The following MPP7 variants were observed in gnomAD, a reference collection of about 807,000 sequenced individuals.
MPP7 encodes the protein MAGUK p55 scaffold protein 7.
In MPP7, 60 loss-of-function variants were observed where a neutral mutation model predicts 76.5. The ratio of observed to expected loss-of-function variants is 0.78; its 90% CI spans 0.64 to 0.97. The LOEUF (loss-of-function observed/expected upper bound fraction) is 0.97. Among genes scored for constraint, MPP7 ranks in the 50% least tolerant of loss-of-function variants. The pLI is 0.00. For missense variants in MPP7, 641 were observed against 694.0 expected (o/e 0.92, Z 0.86); for synonymous variants, 237 against 244.5 (o/e 0.97, Z 0.29).
At position 28,120,670 on chromosome 10, in the gene MPP7, TG is replaced by T; in HGVS notation, c.616-3del. On this transcript the variant is annotated splice_polypyrimidine_tract_variant and splice_region_variant and intron_variant, in intron 8 of 16. Transcript: ENST00000683449. The stretch of plus-strand genomic sequence containing the variant: ...TGTAATTGCTCCCTGAGACTGAGCC[TG>T]GTAACAGATAAAACAAGGAGTTATA... The T allele has an allele frequency of 1.2e-6, 2 of 1,612,204 alleles. No homozygotes were observed. Among genetic ancestry groups the T allele is most frequent in the Non-Finnish European group, 1.7e-6 (2 of 1,178,616 alleles).
At chr10:28,198,230 G>C (rs1837651304) in intron 3 of MPP7, among the ~76,000 whole-genome samples, 1 of 152,084 alleles carries the variant, frequency 6.6e-6, no homozygotes, top group African/African-American at 2.4e-5. Flanking sequence ...ATCTAACATA[G>C]TTGTGAGTTA....
rs192738137 is a variant in MPP7, at chr10:28,081,941, C to T, written c.1123+7730G>A. 3.2e-3 allele frequency among the ~76,000 whole-genome samples: 481 copies of T among 151,986 alleles called. 3 individuals carry two copies. The highest frequency in any genetic ancestry group is 9.8e-3 in the African/African-American group (406 of 41,438). On this transcript the variant is annotated intron_variant, in intron 12 of 16. Transcript: ENST00000683449. ...CTAATTTTTGTATTTTTAGTAGAGA[C>T]GGGTTTCACCATGTTGGCCAGGCTG...
At chr10:28,162,268 C>T (rs1836286831) in intron 3 of MPP7, among the ~76,000 whole-genome samples, 1 of 152,140 alleles carries the variant, frequency 6.6e-6, no homozygotes, top group South Asian at 2.1e-4. Flanking sequence ...CTTGCAGTTT[C>T]AGATGGTGAA....
intron 2 of MPP7, among the ~76,000 whole-genome samples, chr10:28,326,050 C>T (rs146150946): frequency 8.2e-4 from 125 of 151,846 alleles, no homozygotes; most frequent in Non-Finnish European, 1.4e-3. Flanking sequence ...TTATAGGACA[C>T]GGCATAGCCC....
At chr10:28,294,284 G>A (rs763677914) in intron 1 of MPP7, among the ~76,000 whole-genome samples, 1 of 152,152 alleles carries the variant, frequency 6.6e-6, no homozygotes, top group Admixed American at 6.5e-5. Flanking sequence ...TCCAGCCTGG[G>A]GGACAGAGCA....
chr10:28,054,634 C>T (rs1375046302), intron 16 of MPP7, among the ~76,000 whole-genome samples: 1 of 152,096 alleles, frequency 6.6e-6, no homozygotes, highest in Non-Finnish European at 1.5e-5. Flanking sequence ...ATATAAACTC[C>T]TTTTTCAGAG....
intron 2 of MPP7, among the ~76,000 whole-genome samples, chr10:28,221,567 C>A (rs932855890): frequency 3.3e-5 from 5 of 152,142 alleles, no homozygotes; most frequent in African/African-American, 1.2e-4. Context: ...ACTAGATCCC[C>A]ACGTAATGAG....
chr10:28,057,602 CCTCTTTTTTTTTT>C (rs1439770448), intron 15 of MPP7: 2 of 311,474 alleles, frequency 6.4e-6, no homozygotes, highest in African/African-American at 7.3e-5. Flanking sequence ...GCCAATTAAA[CCTCTTTTTTTTTT>C]TTTTTTTTTT....
intron 11 of MPP7, among the ~76,000 whole-genome samples, chr10:28,090,050 T>C (rs2133450471): frequency 6.6e-6 from 1 of 152,254 alleles, no homozygotes; most frequent in South Asian, 2.1e-4. Flanking sequence ...AGTGTTGAAC[T>C]CCTGGGCTCA....
chr10:28,143,951 CT>C (rs1300577813), intron 5 of MPP7, among the ~76,000 whole-genome samples: 1 of 151,348 alleles, frequency 6.6e-6, no homozygotes, highest in Non-Finnish European at 1.5e-5. Context: ...GCGGCGTGAT[CT>C]TAGCTCACTG....
At chr10:28,274,224 T>C (rs61845936) in intron 1 of MPP7, among the ~76,000 whole-genome samples, 22,427 of 147,784 alleles carry the variant, frequency 0.15, 1,772 homozygotes, top group South Asian at 0.2. Flanking sequence ...TGCCTCAGCC[T>C]CCCGAGTAGC....
At chr10:28,281,369 G>A (rs896707034) in intron 1 of MPP7, among the ~76,000 whole-genome samples, 5 of 152,030 alleles carry the variant, frequency 3.3e-5, no homozygotes, top group Admixed American at 6.6e-5. Flanking sequence ...GATTACAGGC[G>A]TGAGCCACTG....
chr10:28,199,617 C>CT (rs150157698), intron 3 of MPP7, among the ~76,000 whole-genome samples: 4 of 150,994 alleles, frequency 2.6e-5, no homozygotes. Flanking sequence ...TGCCCCCAAA[C>CT]TTTTTTTTTA....
At chr10:28,229,255 T>C (rs1238619956) in intron 2 of MPP7, among the ~76,000 whole-genome samples, 1 of 152,196 alleles carries the variant, frequency 6.6e-6, no homozygotes, top group Non-Finnish European at 1.5e-5. Context: ...GCCAGATTAC[T>C]TCCAAAGAGA....
Position 28,065,605 on chromosome 10 carries a change from A to G in MPP7, c.1204+4167T>C, listed in dbSNP as rs1851958649. On this transcript the variant is annotated intron_variant, in intron 13 of 16. Transcript: ENST00000683449. ...GAGTACCCACTATGTATACCAGTTA[A>G]GGCAAAATAGAAAACAAAATAGGAG... Among the ~76,000 whole-genome samples, 6 of 152,322 alleles carry G rather than the reference A, an allele frequency of 3.9e-5. No homozygotes were observed. In the South Asian group the frequency reaches 1.2e-3, roughly 32 times the overall value.
chr10:28,288,317 G>A (rs1246947032), intron 1 of MPP7, among the ~76,000 whole-genome samples: 1 of 152,138 alleles, frequency 6.6e-6, no homozygotes, highest in Non-Finnish European at 1.5e-5. Context: ...ATGGTACACT[G>A]CAGCCTCAAC....
intron 15 of MPP7, among the ~76,000 whole-genome samples, chr10:28,057,330 G>A (rs565921208): frequency 7.2e-5 from 11 of 152,154 alleles, no homozygotes; most frequent in Non-Finnish European, 1.6e-4. Flanking sequence ...CCTGTGGGAG[G>A]TGACTGGATC....
chr10:28,064,404 A>G (rs890993938), intron 13 of MPP7, among the ~76,000 whole-genome samples: 2 of 152,230 alleles, frequency 1.3e-5, no homozygotes, highest in African/African-American at 4.8e-5. Context: ...AATCATTCCA[A>G]ATAATCTATT....
At chr10:28,233,354 C>T (rs1838954154) in intron 2 of MPP7, among the ~76,000 whole-genome samples, 1 of 152,138 alleles carries the variant, frequency 6.6e-6, no homozygotes, top group African/African-American at 2.4e-5. Context: ...TGTGTGTTTA[C>T]GCATGGGTTA....
Sources: allele counts gnomAD v4.1 joint callset (sites outside exome capture counted in the v4.1 genomes callset), GRCh38; gene constraint gnomAD v4.1.1; transcripts MANE v1.5; gene names NCBI Gene and HGNC (gene_info 2026-07-23, HGNC 2026-07-21).